The following DCC variants were observed in gnomAD, a reference collection of about 807,000 sequenced individuals.
DCC encodes the protein DCC netrin 1 receptor.
A neutral mutation model predicts 172.5 loss-of-function variants in DCC; 58 were observed. The observed-to-expected ratio is 0.34, with a 90% confidence interval of 0.27 to 0.42. DCC has a LOEUF of 0.42. DCC is among the 10% of genes least tolerant of loss of function. The probability of loss-of-function intolerance (pLI) is 1.00; values close to 1 mark genes in which losing one functional copy is unlikely to be tolerated. For missense variants in DCC, 1,740 were observed against 1,791.0 expected (o/e 0.97, Z 0.51); for synonymous variants, 709 against 644.5 (o/e 1.10, Z -1.52).
At chr18:53,246,053 T>C (rs1375085044) in intron 12 of DCC, among the ~76,000 whole-genome samples, 1 of 151,996 alleles carries the variant, frequency 6.6e-6, no homozygotes, top group Non-Finnish European at 1.5e-5. Flanking sequence ...CTTACGGTAT[T>C]GAATAGTTCT....
At chr18:53,301,545 C>A (rs1343592965) in intron 12 of DCC, among the ~76,000 whole-genome samples, 3 of 152,148 alleles carry the variant, frequency 2.0e-5, no homozygotes, top group Non-Finnish European at 4.4e-5. Flanking sequence ...TACTAACAAG[C>A]CTATAACAAA....
chr18:52,941,780 T>C (rs2040468738), intron 5 of DCC, among the ~76,000 whole-genome samples: 1 of 152,060 alleles, frequency 6.6e-6, no homozygotes, highest in Non-Finnish European at 1.5e-5. Flanking sequence ...TGTTTATTTT[T>C]TTATTTTATT....
chr18:52,409,216 G>C (rs970327135), intron 1 of DCC: 1 of 152,074 alleles, frequency 6.6e-6, no homozygotes, highest in Admixed American at 6.6e-5. Context: ...ATATCACTAC[G>C]TAAGAGCAAA....
rs1038504666 is a variant in DCC at position 53,088,076 on chromosome 18, A to C, written c.1261+21910A>C. Among the ~76,000 whole-genome samples, 6 of 152,106 alleles carry C rather than the reference A, an allele frequency of 3.9e-5. 1 individual carries two copies. The South Asian group carries it at 6.2e-4, about 16-fold the overall frequency. ...TGTTCTTTTGGCTTAGGATTGACTT[A>C]GCGATGCGGGCTCTTTTTTGGTTCC... On this transcript the variant is annotated intron_variant, in intron 7 of 28. Coordinates refer to ENST00000442544, the MANE Select transcript of DCC (RefSeq NM_005215.4).
Position 52,795,842 on chromosome 18 carries a change from T to C in DCC, c.412+43468T>C, listed in dbSNP as rs1031881129. Among the ~76,000 whole-genome samples the C allele has an allele frequency of 1.3e-4, 20 of 152,122 alleles. 1 individual carries two copies. The South Asian group carries it at 3.9e-3, about 30-fold the overall frequency. ...TTTATTTCCTTAATTTCTTCATTGA[T>C]GCAATAGTTGCTCAGGACCATGTTA... On this transcript the variant is annotated intron_variant, in intron 2 of 28. Transcript: ENST00000442544.
chr18:53,010,107 T>A lies in DCC; in HGVS notation c.986-53198T>A, dbSNP rs140144137. On this transcript the variant is annotated intron_variant, in intron 5 of 28. Transcript: ENST00000442544. ...TTAGTTTAGTTAATGTTGCAATTAA[T>A]CTCTGCAAAAATCTAATTCATCCCC... Among the ~76,000 whole-genome samples, 1,080 of 152,106 alleles carry A rather than the reference T, an allele frequency of 7.1e-3. 8 individuals carry two copies. Among genetic ancestry groups the A allele is most frequent in the African/African-American group, 0.025 (1,034 of 41,558 alleles).
intron 1 of DCC, among the ~76,000 whole-genome samples, chr18:52,398,385 A>C (rs1165681267): frequency 6.6e-6 from 1 of 151,964 alleles, no homozygotes; most frequent in Non-Finnish European, 1.5e-5. Context: ...TTTTTTCCCA[A>C]CATGAACTCT....
chr18:53,496,836 C>G (rs1458400521), intron 26 of DCC, among the ~76,000 whole-genome samples: 1 of 152,060 alleles, frequency 6.6e-6, no homozygotes, highest in Non-Finnish European at 1.5e-5. Context: ...GTGAAGCATA[C>G]ACAAGTATCA....
intron 2 of DCC, among the ~76,000 whole-genome samples, chr18:52,903,676 A>C (rs9950420): frequency 0.39 from 59,533 of 152,026 alleles, 12,257 homozygotes; most frequent in Non-Finnish European, 0.47. Context: ...TATTTCCTTA[A>C]CTACAAAATA....
chr18:52,426,763 CT>C lies in DCC; in HGVS notation c.91+85890del, dbSNP rs1205484644. Among the ~76,000 whole-genome samples, 16 of 149,500 alleles carry C rather than the reference CT, an allele frequency of 1.1e-4. No individual in the cohort carries two copies. The East Asian group carries it at 3.3e-3, about 31-fold the overall frequency. Reference sequence around the variant, plus strand: ...TTGGTCATTGTGCAATTTTATATTACTTTTTCAAATGGCATGTGGAATGTGG... The same window carrying C: ...TTGGTCATTGTGCAATTTTATATTACTTTTCAAATGGCATGTGGAATGTGG... On this transcript the variant is annotated intron_variant, in intron 1 of 28. Transcript: ENST00000442544.
At chr18:52,843,152 A>G (rs1339223870) in intron 2 of DCC, among the ~76,000 whole-genome samples, 1 of 152,192 alleles carries the variant, frequency 6.6e-6, no homozygotes, top group Non-Finnish European at 1.5e-5. Flanking sequence ...AAGAACTTGT[A>G]TCTTTTTTTG....
chr18:53,126,498 G>A (rs545296746), intron 7 of DCC, among the ~76,000 whole-genome samples: 2 of 152,074 alleles, frequency 1.3e-5, no homozygotes, highest in South Asian at 2.1e-4. Context: ...GGAGCAGTTA[G>A]TATTATCTTT....
At chr18:52,665,038 C>A (rs1355942930) in intron 1 of DCC, among the ~76,000 whole-genome samples, 2 of 152,206 alleles carry the variant, frequency 1.3e-5, no homozygotes, top group African/African-American at 4.8e-5. Flanking sequence ...TGGGACATGA[C>A]TGCAGAATAT....
At chr18:53,184,157 G>C (rs1160307428) in intron 9 of DCC, among the ~76,000 whole-genome samples, 1 of 151,946 alleles carries the variant, frequency 6.6e-6, no homozygotes, top group Non-Finnish European at 1.5e-5. Flanking sequence ...TTTAGAACTA[G>C]CTTGATCACT....
chr18:52,722,053 A>G (rs2036481444), intron 1 of DCC, among the ~76,000 whole-genome samples: 1 of 152,154 alleles, frequency 6.6e-6, no homozygotes, highest in Non-Finnish European at 1.5e-5. Context: ...ATAAATAAGT[A>G]AATAAAATAA....
At chr18:52,452,872 T>C (rs1179752502) in intron 1 of DCC, among the ~76,000 whole-genome samples, 2 of 152,212 alleles carry the variant, frequency 1.3e-5, no homozygotes, top group Non-Finnish European at 2.9e-5. Context: ...AAAACGTTAG[T>C]ACAACTTGTA....
intron 1 of DCC, among the ~76,000 whole-genome samples, chr18:52,413,355 G>A (rs1986906381): frequency 6.6e-6 from 1 of 150,926 alleles, no homozygotes; most frequent in African/African-American, 2.4e-5. Flanking sequence ...CTGTAGCTAT[G>A]TCTAGATGAT....
intron 2 of DCC, among the ~76,000 whole-genome samples, chr18:52,786,681 G>A (rs1280649928): frequency 6.6e-6 from 1 of 152,074 alleles, no homozygotes; most frequent in African/African-American, 2.4e-5. Context: ...TGTGAGTTGG[G>A]TGATCCTTTT....
chr18:53,485,039 C>CAT lies in DCC; in HGVS notation c.3737-1757_3737-1756dup, dbSNP rs376902503. Among the ~76,000 whole-genome samples, 780 of 152,090 alleles carry CAT rather than the reference C, an allele frequency of 5.1e-3. 5 individuals are homozygous for CAT. Among genetic ancestry groups the CAT allele is most frequent in the African/African-American group, 0.015 (609 of 41,522 alleles). ...AGGCCAAAGAATGCAAAATAGCAGACATGTGAGATGAACAAGTCTAGAGAC... is the reference window on the plus strand; with the variant it reads ...AGGCCAAAGAATGCAAAATAGCAGACATATGTGAGATGAACAAGTCTAGAGAC... On this transcript the variant is annotated intron_variant, in intron 25 of 28. Transcript: ENST00000442544.
Sources: allele counts gnomAD v4.1 joint callset (sites outside exome capture counted in the v4.1 genomes callset), GRCh38; gene constraint gnomAD v4.1.1; transcripts MANE v1.5; gene names NCBI Gene and HGNC (gene_info 2026-07-23, HGNC 2026-07-21).